WDFY3: variants seen among roughly 807,000 people sequenced by gnomAD.
WDFY3 encodes WD repeat and FYVE domain containing 3, also known as WD repeat and FYVE domain-containing protein 3.
In WDFY3, 66 loss-of-function variants were observed where a neutral mutation model predicts 409.6. The observed-to-expected ratio is 0.16, with a 90% confidence interval of 0.13 to 0.20. WDFY3 has a LOEUF of 0.20. WDFY3 is among the 10% of genes least tolerant of loss of function. WDFY3 has a pLI of 1.00. For missense variants in WDFY3, 3,031 were observed against 4,298.1 expected, an observed-to-expected ratio of 0.71 and a Z score of 8.24; for synonymous variants, 1,521 against 1,537.1, an observed-to-expected ratio of 0.99 and a Z score of 0.25.
rs535960357 is a variant in WDFY3, at chr4:84,672,531, T to C, written c.*337A>G. 5.8e-6 allele frequency: 1 copy of C among 171,468 alleles called. No homozygotes were observed. Among genetic ancestry groups the C allele is most frequent in the Non-Finnish European group, 1.2e-5 (1 of 81,088 alleles). The allele number at this position is 171,468 out of a possible 1,614,324, so 10.6% of individuals were successfully genotyped here. A position where few individuals can be genotyped will look rare whatever the true frequency, so the allele number is the denominator to read the frequency against. On this transcript the variant is annotated 3_prime_UTR_variant, in exon 68 of 68. Coordinates refer to ENST00000295888, the MANE Select transcript of WDFY3 (RefSeq NM_014991.6). ...TGTTGTTGGTTTTTCCAAATAAGGA[T>C]GAGTAGCTCTATAAAAATGAGATGC... is the stretch of plus-strand genomic sequence containing the variant.
intron 64 of WDFY3, among the ~76,000 whole-genome samples, chr4:84,681,077 C>T (rs769413422): frequency 2.6e-5 from 4 of 152,282 alleles, no homozygotes; most frequent in South Asian, 2.1e-4. Flanking sequence ...GCTTTGGAAG[C>T]GGCTTTAATT....
chr4:84,945,089 C>T (rs1375144590), intron 1 of WDFY3, among the ~76,000 whole-genome samples: 1 of 152,118 alleles, frequency 6.6e-6, no homozygotes, highest in African/African-American at 2.4e-5. Flanking sequence ...ATTCTGCTAA[C>T]AAATCAAAAT....
At position 84,787,523 on chromosome 4, in the gene WDFY3, C is replaced by G; in HGVS notation, c.3860G>C (p.Gly1287Ala). ...SSNVTTIYEL[G>A]PNYVGSFQAV... is the part of the protein sequence containing the mutation. ...CTGAAAGCTTCCAACATAATTTGGT[C>G]CAAGTTCATAAATGGTAGTAACATT... The change falls in exon 23 of 68, where the codon GGA becomes GCA. Residue 1287 changes from glycine (G) to alanine (A), a missense_variant. This residue lies in a region of WDFY3 where 1,322 missense variants were observed against 1,697.9 expected (regional missense o/e 0.78). Transcript: ENST00000295888. 6.2e-7 allele frequency: 1 copy of G among 1,614,126 alleles called. No homozygotes were observed. The highest frequency in any genetic ancestry group is 8.5e-7 in the Non-Finnish European group (1 of 1,180,014).
At chr4:84,953,472 T>TC (rs1773865572) in intron 1 of WDFY3, among the ~76,000 whole-genome samples, 1 of 152,150 alleles carries the variant, frequency 6.6e-6, no homozygotes, top group Non-Finnish European at 1.5e-5. Flanking sequence ...ATAGATATGT[T>TC]CATTTGTTTC....
intron 1 of WDFY3, among the ~76,000 whole-genome samples, chr4:84,947,203 G>A (rs1772961047): frequency 6.6e-6 from 1 of 151,770 alleles, no homozygotes; most frequent in Non-Finnish European, 1.5e-5. Context: ...CAGGAGTCTA[G>A]GAAGAAGGTA....
Position 84,787,508 on chromosome 4 carries a change from C to T in WDFY3, c.3875G>A (p.Gly1292Glu). The T allele has an allele frequency of 6.2e-7, 1 of 1,614,108 alleles. No individual in the cohort carries two copies. The highest frequency in any genetic ancestry group is 8.5e-7 in the Non-Finnish European group (1 of 1,179,988). ...TIYELGPNYV[G>E]SFQAVCMPCK... ...TGGCATACATACAGCCTGAAAGCTTCCAACATAATTTGGTCCAAGTTCATA... is the reference window on the plus strand; with the variant it reads ...TGGCATACATACAGCCTGAAAGCTTTCAACATAATTTGGTCCAAGTTCATA... The change falls in exon 23 of 68, where the codon GGA becomes GAA. Residue 1292 changes from glycine (G) to glutamate (E), a missense_variant. Physicochemically the swap from Gly to Glu is moderately conservative, Grantham distance 98. Coordinates refer to ENST00000295888, the MANE Select transcript of WDFY3 (RefSeq NM_014991.6).
intron 3 of WDFY3, among the ~76,000 whole-genome samples, chr4:84,893,136 C>T (rs1207482526): frequency 1.3e-5 from 2 of 152,204 alleles, no homozygotes; most frequent in South Asian, 2.1e-4. Flanking sequence ...GTTTACTTCT[C>T]TTCAGCTGCT....
chr4:84,857,777 T>C (rs1759976015), intron 4 of WDFY3, among the ~76,000 whole-genome samples: 1 of 152,196 alleles, frequency 6.6e-6, no homozygotes. Context: ...TATTATTTCA[T>C]AAGTAAGGAA....
chr4:84,789,112 T>C (rs1025285642), intron 22 of WDFY3, among the ~76,000 whole-genome samples: 1 of 152,160 alleles, frequency 6.6e-6, no homozygotes, highest in African/African-American at 2.4e-5. Context: ...GCGAACTGAG[T>C]TCTGTACAAA....
In WDFY3 at chr4:84,677,326, C is replaced by G; in HGVS notation, c.10330G>C (p.Gly3444Arg). 6.2e-7 allele frequency: 1 copy of G among 1,614,166 alleles called. No homozygotes were observed. Among genetic ancestry groups the G allele is most frequent in the Non-Finnish European group, 8.5e-7 (1 of 1,180,022 alleles). ...ACCCAGTGATCAGCAGCAGAACGGC[C>G]TGGCTGGTCACTCACAGACCAGCTG... ...VFSWSVSDQP[G>R]RSAADHWVKD... Residue 3444 changes from glycine (G) to arginine (R), a missense_variant, in exon 67 of 68, where the codon GGC becomes CGC. By Grantham distance (125) the Gly-to-Arg change is moderately radical. Coordinates refer to ENST00000295888, the MANE Select transcript of WDFY3 (RefSeq NM_014991.6).
chr4:84,882,677 T>A (rs1376478350), intron 3 of WDFY3, among the ~76,000 whole-genome samples: 1 of 152,124 alleles, frequency 6.6e-6, no homozygotes, highest in Non-Finnish European at 1.5e-5. Flanking sequence ...TGTCAGTGGA[T>A]TTATACCCTT....
In WDFY3 at chr4:84,708,990, C is replaced by T. The variant is rs779457698; in HGVS notation, c.8136G>A (p.Leu2712=). ...TATATGATCTGCCAGCCAAAGTGTTCAAATGCATCAAATATTGGAAGTTGC... is the reference window on the plus strand; with the variant it reads ...TATATGATCTGCCAGCCAAAGTGTTTAAATGCATCAAATATTGGAAGTTGC... ...EISNFQYLMH[L]NTLAGRSYND... Residue 2712 remains leucine, a synonymous_variant, in exon 53 of 68, where the codon TTG becomes TTA. Coordinates refer to ENST00000295888, the MANE Select transcript of WDFY3 (RefSeq NM_014991.6). 35 of 1,613,888 alleles carry T rather than the reference C, an allele frequency of 2.2e-5. No individual in the cohort carries two copies. The highest frequency in any genetic ancestry group is 3.0e-5 in the Non-Finnish European group (35 of 1,179,972).
chr4:84,948,628 A>G (rs1281644931), intron 1 of WDFY3, among the ~76,000 whole-genome samples: 2 of 152,164 alleles, frequency 1.3e-5, no homozygotes, highest in Non-Finnish European at 2.9e-5. Context: ...CATACTGCAG[A>G]TTAGATAGTT....
intron 13 of WDFY3, among the ~76,000 whole-genome samples, chr4:84,816,178 C>A (rs1007971018): frequency 1.9e-4 from 29 of 152,032 alleles, no homozygotes; most frequent in Admixed American, 1.0e-3. Flanking sequence ...TATTTAGAAA[C>A]CTTGCATCAA....
At chr4:84,850,670 T>C (rs1009752490) in intron 4 of WDFY3, among the ~76,000 whole-genome samples, 1 of 151,968 alleles carries the variant, frequency 6.6e-6, no homozygotes, top group Non-Finnish European at 1.5e-5. Context: ...TTATAAAGGA[T>C]CTTTGATGGA....
At chr4:84,719,198 T>A (rs932730508) in intron 47 of WDFY3, among the ~76,000 whole-genome samples, 4 of 152,236 alleles carry the variant, frequency 2.6e-5, no homozygotes, top group African/African-American at 9.6e-5. Context: ...TCATACCCCC[T>A]GGAAATGGAA....
In WDFY3 at chr4:84,774,842, G is replaced by A. The variant is rs867951575; in HGVS notation, c.4732C>T (p.Pro1578Ser). The A allele has an allele frequency of 8.1e-6, 13 of 1,611,750 alleles. No individual in the cohort carries two copies. Among genetic ancestry groups the A allele is most frequent in the South Asian group, 2.2e-5 (2 of 90,486 alleles). The change falls in exon 29 of 68, where the codon CCT becomes TCT. Residue 1578 changes from proline (P) to serine (S), a missense_variant. Around this residue, in one of 16 missense-constraint regions of WDFY3, gnomAD observed 342 missense variants for 463.7 expected, o/e 0.74. Coordinates refer to ENST00000295888, the MANE Select transcript of WDFY3 (RefSeq NM_014991.6). ...TACCTGAGCAGATCATTGCTGCTAG[G>A]AAAACCTTGCAGTAAGAAGCTCAGG... ...NVLSFLLQGF[P>S]SSNDLLRFGQ...
At chr4:84,846,833 G>A (rs1758133707) in intron 5 of WDFY3, among the ~76,000 whole-genome samples, 1 of 151,894 alleles carries the variant, frequency 6.6e-6, no homozygotes, top group Admixed American at 6.6e-5. Context: ...GAATCTTGAA[G>A]TAATTCAGGA....
chr4:84,800,091 C>G (rs1191851563), intron 17 of WDFY3, among the ~76,000 whole-genome samples: 1 of 152,152 alleles, frequency 6.6e-6, no homozygotes. Context: ...AGTACAACTA[C>G]AAGATAATGG....
Sources: gnomAD v4.1 joint callset for allele counts (sites outside exome capture counted in the v4.1 genomes callset) on GRCh38, gnomAD v4.1.1 for gene constraint, gnomAD v4.1.1 regional missense constraint, MANE v1.5 for transcripts, NCBI Gene and HGNC (gene_info 2026-07-23, HGNC 2026-07-21) for gene names.